TMEM132B: variants seen among roughly 807,000 people sequenced by gnomAD.
TMEM132B encodes transmembrane protein 132B.
In TMEM132B, 18 loss-of-function variants were observed where a neutral mutation model predicts 90.8. The observed-to-expected ratio is 0.20, with a 90% CI of 0.14 to 0.29. TMEM132B has a LOEUF of 0.29. Among genes scored for constraint, TMEM132B ranks in the 10% least tolerant of loss-of-function variants. The pLI, the probability that TMEM132B is intolerant of heterozygous loss-of-function variation, is 1.00. For synonymous variants in TMEM132B, 504 were observed against 523.3 expected (o/e 0.96, Z 0.50); for missense variants, 1,096 against 1,326.8 (o/e 0.83, Z 2.70).
In TMEM132B at chr12:125,498,864, G is replaced by C. The variant is rs1882624161; in HGVS notation, c.1107-20575G>C. Among the ~76,000 whole-genome samples the C allele has an allele frequency of 6.6e-6, 1 of 152,230 alleles. No individual in the cohort carries two copies. The highest frequency in any genetic ancestry group is 1.5e-5 in the Non-Finnish European group (1 of 68,040). Reference sequence around the variant, plus strand: ...TAGTAAATCAGGTCTCCTGCCCAAAGGGCATGCAGGTTTCCTGTGGGTTAT... The same window carrying C: ...TAGTAAATCAGGTCTCCTGCCCAAACGGCATGCAGGTTTCCTGTGGGTTAT... On this transcript the variant is annotated intron_variant, in intron 3 of 8. Transcript: ENST00000682704. This position sits in a 1 kb window ranked among gnomAD's most constrained non-coding sequence, Gnocchi z 4.5.
rs551028562 is a variant in TMEM132B, at chr12:125,246,550, G to A, written c.67+59684G>A. Reference sequence around the variant, plus strand: ...TGGAAGCCCTTATTAAGTGATTCCCGTTTGCTTCGGCATGAATGCACAACA... The same window carrying A: ...TGGAAGCCCTTATTAAGTGATTCCCATTTGCTTCGGCATGAATGCACAACA... On this transcript the variant is annotated intron_variant, in intron 1 of 8. Coordinates refer to ENST00000682704, the MANE Select transcript of TMEM132B (RefSeq NM_001366854.1). This position sits in a 1 kb window ranked among gnomAD's most constrained non-coding sequence, Gnocchi z 4.2. Among the ~76,000 whole-genome samples, 14 of 152,308 alleles carry A rather than the reference G, an allele frequency of 9.2e-5. No individual in the cohort carries two copies. Among genetic ancestry groups the A allele is most frequent in the African/African-American group, 2.9e-4 (12 of 41,568 alleles).
chr12:125,413,218 C>T lies in TMEM132B; in HGVS notation c.960-2313C>T, dbSNP rs553985604. Among the ~76,000 whole-genome samples, 5 of 152,190 alleles carry T rather than the reference C, an allele frequency of 3.3e-5. No homozygotes were observed. The East Asian group carries it at 5.8e-4, about 18-fold the overall frequency. ...GAACTCTACCATGAGAGGCTGCCTT[C>T]CTTGGGTCTTATAGGTGTTTTGGTT... On this transcript the variant is annotated intron_variant, in intron 2 of 8. Coordinates refer to ENST00000682704, the MANE Select transcript of TMEM132B (RefSeq NM_001366854.1).
chr12:125,428,513 T>A (rs185569002), intron 3 of TMEM132B, among the ~76,000 whole-genome samples: 1 of 152,178 alleles, frequency 6.6e-6, no homozygotes, highest in Admixed American at 6.5e-5. Context: ...CTTCCTCAGA[T>A]CTGCTGCAAA....
rs941855516 is a variant in TMEM132B at position 125,658,275 on chromosome 12, A to C, written c.*3565A>C. 6.6e-6 allele frequency: 1 copy of C among 152,238 alleles called. No homozygotes were observed. Among genetic ancestry groups the C allele is most frequent in the African/African-American group, 2.4e-5 (1 of 41,472 alleles). 9.4% of individuals were successfully genotyped at this position (152,238 alleles called of 1,614,324 possible). ...AATTTTTAACTTGCTAACTTTTAGA[A>C]TGTCCACCTTTGTGCATTTTGGTAG... On this transcript the variant is annotated 3_prime_UTR_variant, in exon 9 of 9. Transcript: ENST00000682704.
chr12:125,377,293 C>T (rs1878523416), intron 2 of TMEM132B, among the ~76,000 whole-genome samples: 1 of 152,172 alleles, frequency 6.6e-6, no homozygotes, highest in African/African-American at 2.4e-5. Flanking sequence ...TCCTGAAGGT[C>T]AAGGAGCAGC....
At chr12:125,344,518 A>C (rs1209672519) in intron 1 of TMEM132B, among the ~76,000 whole-genome samples, 4 of 152,158 alleles carry the variant, frequency 2.6e-5, no homozygotes, top group African/African-American at 9.7e-5. Context: ...GGGGTTTTAT[A>C]TGGGGTTAGA....
intron 1 of TMEM132B, among the ~76,000 whole-genome samples, chr12:125,193,261 A>G (rs1450789908): frequency 6.6e-6 from 1 of 152,132 alleles, no homozygotes; most frequent in Non-Finnish European, 1.5e-5. Context: ...GCTCAGAGGA[A>G]CCTAGGGACT....
At chr12:125,337,633 C>T (rs1340223141) in intron 1 of TMEM132B, among the ~76,000 whole-genome samples, 2 of 152,192 alleles carry the variant, frequency 1.3e-5, no homozygotes. Flanking sequence ...CTCTCCTTGA[C>T]AGGTGGCCAT....
intron 2 of TMEM132B, among the ~76,000 whole-genome samples, chr12:125,412,230 G>C (rs1314065292): frequency 6.6e-6 from 1 of 152,158 alleles, no homozygotes; most frequent in Non-Finnish European, 1.5e-5. Context: ...TGAGGACGAG[G>C]GGACCTGTGT....
At chr12:125,371,330 C>T (rs1274072263) in intron 2 of TMEM132B, among the ~76,000 whole-genome samples, 2 of 152,190 alleles carry the variant, frequency 1.3e-5, no homozygotes. Context: ...AGAGACAATC[C>T]TTCAATCAAG....
At chr12:125,580,027 G>A (rs1361372231) in intron 4 of TMEM132B, among the ~76,000 whole-genome samples, 2 of 152,054 alleles carry the variant, frequency 1.3e-5, no homozygotes, top group African/African-American at 4.8e-5. Context: ...TAGCTTGGTG[G>A]TCAGCCAATG....
chr12:125,433,637 A>G (rs1224302001), intron 3 of TMEM132B, among the ~76,000 whole-genome samples: 1 of 149,126 alleles, frequency 6.7e-6, no homozygotes, highest in Non-Finnish European at 1.5e-5. Flanking sequence ...GTCATCTAGC[A>G]TTAGGTATAT....
intron 1 of TMEM132B, among the ~76,000 whole-genome samples, chr12:125,285,348 G>A (rs1875320052): frequency 6.6e-6 from 1 of 152,210 alleles, no homozygotes; most frequent in African/African-American, 2.4e-5. Flanking sequence ...TAGAGTCAGA[G>A]GCAAAGACAT....
At chr12:125,219,994 G>A (rs1048961823) in intron 1 of TMEM132B, among the ~76,000 whole-genome samples, 1 of 152,164 alleles carries the variant, frequency 6.6e-6, no homozygotes, top group Admixed American at 6.5e-5. Context: ...TTACACACAC[G>A]GACTCATTTG....
At chr12:125,496,599 C>G (rs1041813669) in intron 3 of TMEM132B, among the ~76,000 whole-genome samples, 3 of 152,088 alleles carry the variant, frequency 2.0e-5, no homozygotes, top group Non-Finnish European at 4.4e-5. Flanking sequence ...ATGGGGGCAA[C>G]CCAGGAGGCA....
intron 3 of TMEM132B, among the ~76,000 whole-genome samples, chr12:125,469,092 T>C (rs768594295): frequency 2.0e-5 from 3 of 152,240 alleles, no homozygotes; most frequent in Non-Finnish European, 4.4e-5. Flanking sequence ...CTAACTGCTC[T>C]GTCTTGGACT....
chr12:125,242,712 C>T (rs1342077041), intron 1 of TMEM132B, among the ~76,000 whole-genome samples: 2 of 152,218 alleles, frequency 1.3e-5, no homozygotes, highest in East Asian at 3.8e-4. Flanking sequence ...TGCAGGCCTC[C>T]TTTGTCCTTC....
chr12:125,474,080 CCTTT>C (rs1386242472), intron 3 of TMEM132B, among the ~76,000 whole-genome samples: 174 of 146,386 alleles, frequency 1.2e-3, no homozygotes, highest in African/African-American at 4.4e-3. Flanking sequence ...CCTTTCCTTT[CCTTT>C]CCTTTCCTTT....
chr12:125,224,901 T>C (rs1873642574), intron 1 of TMEM132B, among the ~76,000 whole-genome samples: 1 of 152,232 alleles, frequency 6.6e-6, no homozygotes, highest in South Asian at 2.1e-4. Context: ...TACCTAAACA[T>C]GCAAACACAC....
Sources: allele counts gnomAD v4.1 joint callset (sites outside exome capture counted in the v4.1 genomes callset), GRCh38; gene constraint gnomAD v4.1.1; non-coding constraint Gnocchi (gnomAD v3.1); transcripts MANE v1.5; gene names NCBI Gene and HGNC (gene_info 2026-07-23, HGNC 2026-07-21).